The following SMARCC1 variants were observed in gnomAD, a reference collection of about 807,000 sequenced individuals.
The protein encoded by SMARCC1 is SWI/SNF complex subunit SMARCC1.
SMARCC1 carries 43 observed loss-of-function variants against 147.4 expected under a neutral mutation model. The observed-to-expected ratio is 0.29, with a 90% CI of 0.23 to 0.38. The LOEUF (loss-of-function observed/expected upper bound fraction) is 0.38, where lower values mean the gene tolerates loss of function less well. Among genes scored for constraint, SMARCC1 ranks in the 10% least tolerant of loss-of-function variants. The pLI is 1.00. For synonymous variants in SMARCC1, 495 were observed against 484.4 expected, an observed-to-expected ratio of 1.02 and a Z score of -0.29; for missense variants, 1,119 against 1,381.1, an observed-to-expected ratio of 0.81 and a Z score of 3.01.
chr3:47,703,259 G>A (rs1201036060), intron 10 of SMARCC1, among the ~76,000 whole-genome samples: 2 of 152,138 alleles, frequency 1.3e-5, no homozygotes, highest in Non-Finnish European at 1.5e-5. Flanking sequence ...ATGCTAAGCC[G>A]GGCATGGTGG....
chr3:47,651,452 T>G (rs149171952), intron 21 of SMARCC1, among the ~76,000 whole-genome samples: 1 of 152,228 alleles, frequency 6.6e-6, no homozygotes, highest in African/African-American at 2.4e-5. Flanking sequence ...AATCGAGCTA[T>G]TATAACTTTA....
intron 21 of SMARCC1, among the ~76,000 whole-genome samples, chr3:47,643,053 G>A (rs2033069971): frequency 6.6e-6 from 1 of 152,088 alleles, no homozygotes; most frequent in South Asian, 2.1e-4. Flanking sequence ...CTGAAAGCAA[G>A]CAAACAAATA....
chr3:47,713,194 G>A (rs1258326873), intron 8 of SMARCC1, among the ~76,000 whole-genome samples: 2 of 151,802 alleles, frequency 1.3e-5, no homozygotes, highest in East Asian at 1.9e-4. Context: ...GGTGGCGGGC[G>A]CCTGTAATCC....
At chr3:47,753,339 A>G (rs2034649451) in intron 2 of SMARCC1, among the ~76,000 whole-genome samples, 3 of 151,236 alleles carry the variant, frequency 2.0e-5, no homozygotes, top group South Asian at 2.1e-4. Context: ...AAAAAAAAAA[A>G]AAGAAGAAAA....
At chr3:47,755,511 G>A (rs1288770721) in intron 2 of SMARCC1, among the ~76,000 whole-genome samples, 6 of 142,002 alleles carry the variant, frequency 4.2e-5, no homozygotes, top group South Asian at 2.3e-4. Flanking sequence ...AAAAAAAAAA[G>A]AAAAACTAAT....
intron 14 of SMARCC1, 88 bp downstream of exon 14, chr3:47,685,961 G>C (rs2033717240): frequency 1.1e-5 from 11 of 1,026,850 alleles, no homozygotes; most frequent in Non-Finnish European, 1.4e-5. Flanking sequence ...TTCTGATAAG[G>C]AACATGGGCA....
At chr3:47,705,513 T>C (rs774003075) in intron 10 of SMARCC1, among the ~76,000 whole-genome samples, 11 of 152,180 alleles carry the variant, frequency 7.2e-5, no homozygotes, top group Non-Finnish European at 1.3e-4. Context: ...TAAATGTCCC[T>C]AAAGACTTCT....
chr3:47,682,219 C>T (rs1459701604), intron 14 of SMARCC1, among the ~76,000 whole-genome samples: 2 of 148,468 alleles, frequency 1.3e-5, no homozygotes, highest in Non-Finnish European at 3.0e-5. Flanking sequence ...GGCGTGAACC[C>T]GGAAGGCGGA....
chr3:47,776,730 T>C (rs575803181), intron 1 of SMARCC1, among the ~76,000 whole-genome samples: 6 of 152,050 alleles, frequency 3.9e-5, no homozygotes, highest in Non-Finnish European at 8.8e-5. Context: ...TAAATATACA[T>C]ATATATGTAA....
In SMARCC1 at chr3:47,587,645, C is replaced by G. The variant is rs950937866; in HGVS notation, c.*564G>C. The G allele has an allele frequency of 6.5e-6, 1 of 152,734 alleles. No homozygotes were observed. Among genetic ancestry groups the G allele is most frequent in the South Asian group, 2.1e-4 (1 of 4,834 alleles). The allele number at this position is 152,734 out of a possible 1,614,324, so 9.5% of individuals were successfully genotyped here. On this transcript the variant is annotated 3_prime_UTR_variant, in exon 28 of 28. Coordinates refer to ENST00000254480, the MANE Select transcript of SMARCC1 (RefSeq NM_003074.4). The stretch of plus-strand genomic sequence containing the variant: ...ATTTGTGTGTGGCAAAAGTCTCAAA[C>G]TTTACCATCAGCACCATTCTTAGCT...
chr3:47,755,758 C>T (rs2034689423), intron 2 of SMARCC1, among the ~76,000 whole-genome samples: 3 of 150,586 alleles, frequency 2.0e-5, no homozygotes, highest in Non-Finnish European at 4.4e-5. Context: ...TTTGGGAGGC[C>T]GAGGCGGGCC....
At chr3:47,610,425 C>T (rs528729315) in intron 25 of SMARCC1, 98 bp from the exon 26 acceptor site, 4 of 1,275,846 alleles carry the variant, frequency 3.1e-6, no homozygotes, top group Non-Finnish European at 3.4e-6. Flanking sequence ...TTACCTCTAT[C>T]CCATCACACT....
intron 6 of SMARCC1, among the ~76,000 whole-genome samples, chr3:47,724,452 A>G (rs149483836): frequency 1.2e-4 from 18 of 152,338 alleles, no homozygotes; most frequent in African/African-American, 4.1e-4. Flanking sequence ...GCAGAATGGT[A>G]GTCAAAAGCA....
At chr3:47,604,407 A>G (rs955778439) in intron 26 of SMARCC1, 2 of 409,008 alleles carry the variant, frequency 4.9e-6, no homozygotes, top group African/African-American at 2.1e-5. Flanking sequence ...TACCAAAGAC[A>G]GCCAACTGAC....
chr3:47,620,093 A>G (rs2032705405), intron 25 of SMARCC1, among the ~76,000 whole-genome samples: 1 of 152,224 alleles, frequency 6.6e-6, no homozygotes, highest in Non-Finnish European at 1.5e-5. Context: ...TCAGAGGTAA[A>G]AAGTCCTAAC....
In SMARCC1 at chr3:47,686,054, A is replaced by G. The variant is rs1409339952; in HGVS notation, c.1380T>C (p.Tyr460=). The part of the protein sequence containing the change: ...IIPSYASWFD[Y]NCIHVIERRA... ...GATGGAAGTGGTCCACTCACCAGTT[A>G]TAATCAAACCATGATGCATAACTAG... The change falls in exon 14 of 28, where the codon TAT becomes TAC. Residue 460 remains tyrosine (Y), a synonymous_variant. Coordinates refer to ENST00000254480, the MANE Select transcript of SMARCC1 (RefSeq NM_003074.4). 2.5e-6 allele frequency: 4 copies of G among 1,613,232 alleles called. No homozygotes were observed. Among genetic ancestry groups the G allele is most frequent in the Non-Finnish European group, 3.4e-6 (4 of 1,179,450 alleles).
intron 25 of SMARCC1, among the ~76,000 whole-genome samples, chr3:47,614,266 A>G (rs1359555856): frequency 6.6e-6 from 1 of 152,200 alleles, no homozygotes; most frequent in Non-Finnish European, 1.5e-5. Flanking sequence ...AGCCTGCATC[A>G]TTATTGTGAC....
intron 21 of SMARCC1, among the ~76,000 whole-genome samples, chr3:47,643,261 C>A (rs1044236346): frequency 6.6e-6 from 1 of 152,094 alleles, no homozygotes; most frequent in African/African-American, 2.4e-5. Context: ...CTTGGCGTGT[C>A]GGCTGGTCGA....
chr3:47,723,650 T>G (rs1401746920), intron 6 of SMARCC1, among the ~76,000 whole-genome samples: 2 of 151,816 alleles, frequency 1.3e-5, no homozygotes, highest in Non-Finnish European at 2.9e-5. Context: ...TTGTCTCTAC[T>G]AAAACTACAA....
Sources: allele counts gnomAD v4.1 joint callset (sites outside exome capture counted in the v4.1 genomes callset), GRCh38; gene constraint gnomAD v4.1.1; transcripts MANE v1.5; gene names NCBI Gene and HGNC (gene_info 2026-07-23, HGNC 2026-07-21).